The following GLG1 variants were observed in gnomAD, a reference collection of about 807,000 sequenced individuals.
The protein encoded by GLG1 is Golgi apparatus protein 1.
GLG1 carries 38 observed loss-of-function variants against 160.5 expected under a neutral mutation model. That is an observed-to-expected ratio of 0.24 (90% confidence interval 0.18 to 0.31). GLG1 has a LOEUF of 0.31. Among genes scored for constraint, GLG1 ranks in the 10% least tolerant of loss-of-function variants. The pLI is 1.00. For missense variants in GLG1, 1,373 were observed against 1,505.2 expected (o/e 0.91, Z 1.45); for synonymous variants, 644 against 543.4 (o/e 1.19, Z -2.57).
intron 2 of GLG1, among the ~76,000 whole-genome samples, chr16:74,516,538 TG>T (rs1308646780): frequency 6.6e-6 from 1 of 152,196 alleles, no homozygotes; most frequent in Non-Finnish European, 1.5e-5. Context: ...CCAGAATCTC[TG>T]GGACACATTC....
intron 1 of GLG1, among the ~76,000 whole-genome samples, chr16:74,601,083 A>G (rs1043068188): frequency 2.0e-5 from 3 of 152,174 alleles, no homozygotes; most frequent in African/African-American, 7.2e-5. Flanking sequence ...TGGCTCAAAC[A>G]AAACAATCAT....
At position 74,595,512 on chromosome 16, in the gene GLG1, G is replaced by T. The variant is rs180956814; in HGVS notation, c.438+11145C>A. 3.9e-5 allele frequency among the ~76,000 whole-genome samples: 6 copies of T among 152,304 alleles called. No individual in the cohort carries two copies. In the East Asian group the frequency reaches 1.2e-3, roughly 29 times the overall value. On this transcript the variant is annotated intron_variant, in intron 1 of 25. Transcript: ENST00000422840. ...AGATCGCGCCACTGCACTCCCGCCT[G>T]GGCGACAGAGCAAGACTCCGTCTCA...
chr16:74,453,372 C>G (rs1399569221), intron 25 of GLG1, 38 bp from the exon 26 acceptor site: 1 of 1,432,112 alleles, frequency 7.0e-7, no homozygotes, highest in Non-Finnish European at 9.8e-7. Context: ...TCTGAGAGAG[C>G]ACTGGGCTGG....
At chr16:74,542,921 T>C (rs1459896819) in intron 1 of GLG1, among the ~76,000 whole-genome samples, 1 of 152,202 alleles carries the variant, frequency 6.6e-6, no homozygotes, top group African/African-American at 2.4e-5. Context: ...TCCAACTTTG[T>C]TACTTCTATA....
chr16:74,567,617 G>A (rs896570018), intron 1 of GLG1, among the ~76,000 whole-genome samples: 51 of 142,808 alleles, frequency 3.6e-4, no homozygotes, highest in Admixed American at 1.6e-3. Context: ...GTCGGACTGC[G>A]GACTGCAGTG....
Position 74,453,100 on chromosome 16 carries a change from A to T in GLG1, c.*67T>A. On this transcript the variant is annotated 3_prime_UTR_variant, in exon 26 of 26. Coordinates refer to ENST00000422840, the MANE Select transcript of GLG1 (RefSeq NM_001145667.2). ...TCTGAGAAGAGCGAGGTGAGTGGGG[A>T]TGCTATACAAGAGGGCTGTACAAAC... 6.4e-7 allele frequency: 1 copy of T among 1,565,866 alleles called. No homozygotes were observed. Among genetic ancestry groups the T allele is most frequent in the Non-Finnish European group, 8.7e-7 (1 of 1,156,066 alleles).
chr16:74,558,843 C>A (rs1020470263), intron 1 of GLG1, among the ~76,000 whole-genome samples: 3 of 152,078 alleles, frequency 2.0e-5, no homozygotes, highest in Non-Finnish European at 4.4e-5. Flanking sequence ...AAAATTTAAC[C>A]TAATTCTATT....
At chr16:74,498,931 A>C (rs1304367989) in intron 4 of GLG1, among the ~76,000 whole-genome samples, 2 of 151,824 alleles carry the variant, frequency 1.3e-5, no homozygotes, top group Non-Finnish European at 2.9e-5. Flanking sequence ...TTCAGACAAA[A>C]TTTCAAATCA....
chr16:74,461,995 A>C, intron 22 of GLG1, 99 bp downstream of exon 22: 1 of 664,942 alleles, frequency 1.5e-6, no homozygotes, highest in East Asian at 2.6e-5. Flanking sequence ...AATTCACCAG[A>C]TCATTCACGG....
intron 1 of GLG1, among the ~76,000 whole-genome samples, chr16:74,592,161 G>A (rs1240916854): frequency 2.6e-5 from 4 of 152,098 alleles, no homozygotes; most frequent in Non-Finnish European, 5.9e-5. Flanking sequence ...TTGATTGATT[G>A]AGATGGAGTC....
At chr16:74,468,425 G>A (rs1310917584) in intron 17 of GLG1, 1 of 155,434 alleles carries the variant, frequency 6.4e-6, no homozygotes, top group Non-Finnish European at 1.4e-5. Flanking sequence ...TAGTAGAGAT[G>A]GGGTGTCGCC....
At chr16:74,545,067 G>A (rs397833756) in intron 1 of GLG1, among the ~76,000 whole-genome samples, 11 of 152,202 alleles carry the variant, frequency 7.2e-5, no homozygotes, top group African/African-American at 1.7e-4. Flanking sequence ...AGGCAACTTC[G>A]GTTTAAATTA....
chr16:74,601,089 A>T (rs1398252479), intron 1 of GLG1, among the ~76,000 whole-genome samples: 1 of 152,178 alleles, frequency 6.6e-6, no homozygotes, highest in African/African-American at 2.4e-5. Flanking sequence ...AAACAAAACA[A>T]TCATAATATA....
Position 74,607,068 on chromosome 16 carries a change from C to G in GLG1, c.27G>C (p.Arg9Ser), listed in dbSNP as rs745994442. MAACGRVR[R>S]MFRLSAALHL... ...GCAGCGCCGCCGACAAGCGGAACAT[C>G]CTCCGTACACGTCCACACGCCGCCA... The change falls in exon 1 of 26, where the codon AGG (arginine) becomes AGC (serine). Residue 9 changes from arginine to serine, a missense_variant. By Grantham distance (110) the Arg-to-Ser change is moderately radical (BLOSUM62 -1). This residue lies in a region of GLG1 where 322 missense variants were observed against 254.6 expected (regional missense o/e 1.26). Coordinates refer to ENST00000422840, the MANE Select transcript of GLG1 (RefSeq NM_001145667.2). 2 of 1,578,418 alleles carry G rather than the reference C, an allele frequency of 1.3e-6. No homozygotes were observed. Among genetic ancestry groups the G allele is most frequent in the South Asian group, 1.1e-5 (1 of 87,508 alleles).
At position 74,492,951 on chromosome 16, in the gene GLG1, T is replaced by A; in HGVS notation, c.1234+6A>T. The A allele has an allele frequency of 1.9e-6, 3 of 1,553,720 alleles. No individual in the cohort carries two copies. Among genetic ancestry groups the A allele is most frequent in the Non-Finnish European group, 2.6e-6 (3 of 1,150,074 alleles). The stretch of plus-strand genomic sequence containing the variant: ...ATGATAATTAAAAAAAAAATATGAA[T>A]GCTACCTCTGTGTACAGCTGACTCC... On this transcript the variant is annotated splice_donor_region_variant and intron_variant, in intron 7 of 25. Transcript: ENST00000422840.
chr16:74,565,493 T>A (rs2018629937), intron 1 of GLG1, among the ~76,000 whole-genome samples: 1 of 152,214 alleles, frequency 6.6e-6, no homozygotes, highest in Non-Finnish European at 1.5e-5. Flanking sequence ...TGCAACCTAC[T>A]CCTGTAACAA....
At chr16:74,529,728 C>A (rs1181735380) in intron 2 of GLG1, among the ~76,000 whole-genome samples, 4 of 151,780 alleles carry the variant, frequency 2.6e-5, no homozygotes, top group Non-Finnish European at 4.4e-5. Flanking sequence ...AGACCTTCCA[C>A]CAAATCTCCT....
At chr16:74,457,786 C>T in intron 24 of GLG1, 88 bp downstream of exon 24, 1 of 1,281,512 alleles carries the variant, frequency 7.8e-7, no homozygotes, top group Non-Finnish European at 1.1e-6. Flanking sequence ...CCATACAGAC[C>T]ACAGTAGCTG....
Position 74,452,036 on chromosome 16 carries a change from G to A in GLG1, c.*1131C>T, listed in dbSNP as rs1347536334. The A allele has an allele frequency of 6.3e-7, 1 of 1,576,798 alleles. No individual in the cohort carries two copies. The highest frequency in any genetic ancestry group is 1.1e-5 in the South Asian group (1 of 90,350). On this transcript the variant is annotated 3_prime_UTR_variant, in exon 26 of 26. Coordinates refer to ENST00000422840, the MANE Select transcript of GLG1 (RefSeq NM_001145667.2). Reference sequence around the variant, plus strand: ...ACAAAGGAGCTTGTCTGGGAAGTTTGTCTGGAGTGTGCAGAAAGGTCAGGC... The same window carrying A: ...ACAAAGGAGCTTGTCTGGGAAGTTTATCTGGAGTGTGCAGAAAGGTCAGGC...
Sources: gnomAD v4.1 joint callset for allele counts (sites outside exome capture counted in the v4.1 genomes callset) on GRCh38, gnomAD v4.1.1 for gene constraint, gnomAD v4.1.1 regional missense constraint, MANE v1.5 for transcripts, NCBI Gene and HGNC (gene_info 2026-07-23, HGNC 2026-07-21) for gene names.